Variants in TMEM117 observed in about 807,000 individuals in gnomAD.
TMEM117 encodes the protein transmembrane protein 117.
Under a neutral mutation model 52.4 loss-of-function variants are expected in TMEM117, and 27 were observed. The observed-to-expected ratio is 0.51, with a 90% CI of 0.38 to 0.71. TMEM117 has a LOEUF of 0.71. Among genes scored for constraint, TMEM117 ranks in the 30% least tolerant of loss-of-function variants. The pLI is 0.00. For synonymous variants in TMEM117, 215 were observed against 206.3 expected (o/e 1.04, Z -0.36); for missense variants, 556 against 630.5 (o/e 0.88, Z 1.26).
At chr12:44,039,439 A>G (rs1261745545) in intron 3 of TMEM117, among the ~76,000 whole-genome samples, 1 of 150,806 alleles carries the variant, frequency 6.6e-6, no homozygotes, top group African/African-American at 2.4e-5. Flanking sequence ...GGAGTTCCCA[A>G]CTTTGCTCTT....
At chr12:44,202,742 T>C (rs1378973202) in intron 4 of TMEM117, among the ~76,000 whole-genome samples, 1 of 152,000 alleles carries the variant, frequency 6.6e-6, no homozygotes, top group Non-Finnish European at 1.5e-5. Flanking sequence ...GCATGTCTGA[T>C]AGAATTTGGC....
chr12:43,986,241 T>C (rs1592416580), intron 3 of TMEM117, among the ~76,000 whole-genome samples: 2 of 152,292 alleles, frequency 1.3e-5, no homozygotes, highest in South Asian at 4.1e-4. Flanking sequence ...ATCAACTGAT[T>C]ACAGAAATTT....
At chr12:44,264,387 C>T (rs1389574490) in intron 5 of TMEM117, among the ~76,000 whole-genome samples, 1 of 152,140 alleles carries the variant, frequency 6.6e-6, no homozygotes, top group East Asian at 1.9e-4. Context: ...CCCCTATCAG[C>T]TATGCTAGTC....
chr12:44,233,808 A>G (rs1295391985), intron 5 of TMEM117, among the ~76,000 whole-genome samples: 2 of 151,400 alleles, frequency 1.3e-5, no homozygotes, highest in Admixed American at 6.6e-5. Flanking sequence ...ATAAAATTCT[A>G]TTAGGTGAAT....
chr12:44,366,196 A>G (rs1231525766), intron 6 of TMEM117, among the ~76,000 whole-genome samples: 1 of 152,028 alleles, frequency 6.6e-6, no homozygotes, highest in African/African-American at 2.4e-5. Flanking sequence ...TATTCATGCT[A>G]TGTGGAATCT....
At chr12:43,956,521 A>C (rs1264888126) in intron 3 of TMEM117, among the ~76,000 whole-genome samples, 4 of 135,000 alleles carry the variant, frequency 3.0e-5, no homozygotes, top group Non-Finnish European at 6.5e-5. Context: ...AAAAAAAAAA[A>C]GACGTACATG....
At chr12:43,902,818 T>A (rs1944326426) in intron 2 of TMEM117, among the ~76,000 whole-genome samples, 2 of 152,132 alleles carry the variant, frequency 1.3e-5, no homozygotes, top group Non-Finnish European at 2.9e-5. Context: ...GTAAATAAGA[T>A]TTCAGCATAA....
intron 3 of TMEM117, chr12:44,010,034 G>T (rs1946264016): frequency 1.1e-5 from 4 of 380,928 alleles, no homozygotes; most frequent in Middle Eastern, 4.4e-4. Flanking sequence ...TATTTATGTG[G>T]TGTACTTCTT....
chr12:44,189,958 A>T (rs1210082132), intron 4 of TMEM117, among the ~76,000 whole-genome samples: 1 of 152,190 alleles, frequency 6.6e-6, no homozygotes, highest in Non-Finnish European at 1.5e-5. Flanking sequence ...TTTTGACAGA[A>T]GGTTCACAGG....
chr12:44,236,429 T>A (rs1213824685), intron 5 of TMEM117, among the ~76,000 whole-genome samples: 1 of 152,172 alleles, frequency 6.6e-6, no homozygotes, highest in East Asian at 1.9e-4. Flanking sequence ...CATTGTTTTT[T>A]ACTTCTAGAA....
At chr12:43,872,053 T>C (rs1178321773) in intron 2 of TMEM117, among the ~76,000 whole-genome samples, 1 of 152,144 alleles carries the variant, frequency 6.6e-6, no homozygotes, top group Non-Finnish European at 1.5e-5. Flanking sequence ...GCCACCATGC[T>C]CAGCTAATTC....
At chr12:44,393,373 T>A (rs970542335), downstream of TMEM117, among the ~76,000 whole-genome samples, 1 of 151,890 alleles carries the variant, frequency 6.6e-6, no homozygotes, top group African/African-American at 2.4e-5. Context: ...AGATCTTTGC[T>A]TAATTCTCAT....
chr12:44,083,510 C>T (rs1947518492), intron 3 of TMEM117: 1 of 149,170 alleles, frequency 6.7e-6, no homozygotes, highest in Non-Finnish European at 1.5e-5. Flanking sequence ...CAAGGTATCA[C>T]TCCTGTCTCA....
chr12:44,215,551 C>T (rs537676084), intron 5 of TMEM117, among the ~76,000 whole-genome samples: 4 of 151,998 alleles, frequency 2.6e-5, no homozygotes, highest in Non-Finnish European at 5.9e-5. Context: ...GAGGCGTTAC[C>T]AACAACCATT....
At chr12:44,166,532 T>A (rs1484954238) in intron 4 of TMEM117, among the ~76,000 whole-genome samples, 1 of 152,216 alleles carries the variant, frequency 6.6e-6, no homozygotes, top group Non-Finnish European at 1.5e-5. Context: ...GTATAAAAAT[T>A]AAAAACGTTT....
chr12:44,140,106 T>C (rs933413419), intron 3 of TMEM117, among the ~76,000 whole-genome samples: 1 of 152,310 alleles, frequency 6.6e-6, no homozygotes, highest in Middle Eastern at 3.4e-3. Context: ...TACTATCTCA[T>C]CTGCATTGTT....
intron 6 of TMEM117, among the ~76,000 whole-genome samples, chr12:44,352,279 TTTTG>T (rs1248897882): frequency 2.0e-5 from 3 of 151,958 alleles, no homozygotes; most frequent in Admixed American, 1.3e-4. Context: ...TTTTGTTTTG[TTTTG>T]TTTTTTTGTT....
chr12:44,166,353 A>G (rs999973264), intron 4 of TMEM117, among the ~76,000 whole-genome samples: 6 of 152,204 alleles, frequency 3.9e-5, no homozygotes, highest in African/African-American at 1.4e-4. Flanking sequence ...TAGTAGTGCT[A>G]ACATCTTTAG....
intron 4 of TMEM117, among the ~76,000 whole-genome samples, chr12:44,183,922 C>T (rs1949240275): frequency 6.6e-6 from 1 of 152,196 alleles, no homozygotes; most frequent in Non-Finnish European, 1.5e-5. Context: ...CACATCCCTG[C>T]AGTAGGTAGA....
Sources: allele counts gnomAD v4.1 joint callset (sites outside exome capture counted in the v4.1 genomes callset), GRCh38; gene constraint gnomAD v4.1.1; transcripts MANE v1.5; gene names NCBI Gene and HGNC (gene_info 2026-07-23, HGNC 2026-07-21).